ATXN1: variants seen among roughly 807,000 people sequenced by gnomAD.
The protein encoded by ATXN1 is ataxin-1.
Under a neutral mutation model 56.4 loss-of-function variants are expected in ATXN1, and 8 were observed. That is an observed-to-expected ratio of 0.14 (90% confidence interval 0.08 to 0.26). The LOEUF is 0.26. ATXN1 is among the 10% of genes least tolerant of loss of function. The pLI, the probability that ATXN1 is intolerant of heterozygous loss-of-function variation, is 1.00. For missense variants in ATXN1, 987 were observed against 1,106.5 expected (o/e 0.89, Z 1.53); for synonymous variants, 514 against 494.6 (o/e 1.04, Z -0.52).
At position 16,445,502 on chromosome 6, in the gene ATXN1, G is replaced by C. The variant is rs192902989; in HGVS notation, c.-161+40470C>G. 2.6e-5 allele frequency among the ~76,000 whole-genome samples: 4 copies of C among 151,872 alleles called. No homozygotes were observed. The East Asian group carries it at 7.7e-4, about 29-fold the overall frequency. ...CACCTCTCTGCTTTCAAATGTGTTT[G>C]ATATTTCTTTTTTTTTTAAGTTTTT... On this transcript the variant is annotated intron_variant, in intron 6 of 7. Transcript: ENST00000436367.
intron 2 of ATXN1, chr6:16,738,459 A>G (rs1451828450): frequency 6.6e-6 from 1 of 152,212 alleles, no homozygotes. Context: ...GAAAAAAGGT[A>G]ATCTGTTTCA....
intron 4 of ATXN1, among the ~76,000 whole-genome samples, chr6:16,570,186 C>T (rs1175881497): frequency 1.3e-5 from 2 of 152,166 alleles, no homozygotes; most frequent in African/African-American, 4.8e-5. Flanking sequence ...TTTGTTTGTC[C>T]TCAAACGAAA....
chr6:16,609,618 C>T (rs975126129), intron 3 of ATXN1, among the ~76,000 whole-genome samples: 25 of 152,178 alleles, frequency 1.6e-4, no homozygotes, highest in African/African-American at 5.8e-4. Flanking sequence ...GGAAAGGAGT[C>T]CAACCTTTCC....
intron 6 of ATXN1, among the ~76,000 whole-genome samples, chr6:16,458,807 T>C (rs1247320986): frequency 6.6e-6 from 1 of 152,236 alleles, no homozygotes; most frequent in South Asian, 2.1e-4. Flanking sequence ...GACGGGGTAC[T>C]GCCCCAGAGG....
chr6:16,488,398 C>A (rs1484743964), intron 5 of ATXN1, among the ~76,000 whole-genome samples: 1 of 152,176 alleles, frequency 6.6e-6, no homozygotes, highest in Non-Finnish European at 1.5e-5. Context: ...TTTACTATTT[C>A]TCTCTTGGAC....
chr6:16,389,323 C>T lies in ATXN1; in HGVS notation c.-160-60853G>A, dbSNP rs531627465. Among the ~76,000 whole-genome samples the T allele has an allele frequency of 3.9e-3, 529 of 134,744 alleles. 1 individual carries two copies. The highest frequency in any genetic ancestry group is 6.1e-3 in the Non-Finnish European group (391 of 64,364). 88.4% of individuals were successfully genotyped at this position (134,744 alleles called of 152,430 possible). A position where few individuals can be genotyped will look rare whatever the true frequency, so the allele number is the denominator to read the frequency against. On this transcript the variant is annotated intron_variant, in intron 6 of 7. Transcript: ENST00000436367. Reference sequence around the variant, plus strand: ...CTGCACTCCAGCCTGAGTGACAGAGCGAGACTCCATCTCCAAAAAAAAAGA... The same window carrying T: ...CTGCACTCCAGCCTGAGTGACAGAGTGAGACTCCATCTCCAAAAAAAAAGA...
intron 3 of ATXN1, among the ~76,000 whole-genome samples, chr6:16,623,086 ATTTG>A (rs372155969): frequency 9.9e-5 from 15 of 152,164 alleles, no homozygotes; most frequent in African/African-American, 3.6e-4. Context: ...TCATATCATA[ATTTG>A]TTTATTTCAC....
rs1375734675 is a variant in ATXN1, at chr6:16,606,643, CT to C, written c.-488-20737del. Among the ~76,000 whole-genome samples, 110 of 152,022 alleles carry C rather than the reference CT, an allele frequency of 7.2e-4. 1 individual carries two copies. In the Middle Eastern group the frequency reaches 0.01, roughly 14 times the overall value. ...TCCTGGGTTCAAGTGATTCTCCTGCCTCAGCCTCCCAAGTAGCTGGGACTAC... is the reference window on the plus strand; with the variant it reads ...TCCTGGGTTCAAGTGATTCTCCTGCCCAGCCTCCCAAGTAGCTGGGACTAC... On this transcript the variant is annotated intron_variant, in intron 3 of 7. Transcript: ENST00000436367.
At position 16,306,149 on chromosome 6, in the gene ATXN1, G is replaced by T; in HGVS notation, c.*180C>A. 1.3e-6 allele frequency: 1 copy of T among 747,618 alleles called. No individual in the cohort carries two copies. The highest frequency in any genetic ancestry group is 2.1e-6 in the Non-Finnish European group (1 of 484,410). The allele number at this position is 747,618 out of a possible 1,614,324, so 46.3% of individuals were successfully genotyped here. A position where few individuals can be genotyped will look rare whatever the true frequency, so the allele number is the denominator to read the frequency against. On this transcript the variant is annotated 3_prime_UTR_variant, in exon 8 of 8. Coordinates refer to ENST00000436367, the MANE Select transcript of ATXN1 (RefSeq NM_001128164.2). The surrounding 1 kb of genome is among the most constrained non-coding windows in gnomAD (Gnocchi z 5.2). ...CGCCCGCTCACTGACAGACACTCGT[G>T]GAAAAAGCATATGCACCAGTCTCCT...
intron 3 of ATXN1, among the ~76,000 whole-genome samples, chr6:16,591,165 C>G (rs1762716264): frequency 2.0e-5 from 3 of 152,058 alleles, no homozygotes; most frequent in Admixed American, 1.3e-4. Context: ...CTATGTCGCC[C>G]AGGCTGGACT....
At chr6:16,737,659 G>T (rs1322844070) in intron 2 of ATXN1, 1 of 152,126 alleles carries the variant, frequency 6.6e-6, no homozygotes, top group East Asian at 1.9e-4. Context: ...GCAAGAAGTT[G>T]GTCAGGAAAC....
rs953968653 is a variant in ATXN1, at chr6:16,300,710, G to T, written c.*5619C>A. ...CCCCATAATGAGTCCTGTTTGATTG[G>T]TAGCCTGGATCCCTTGTTACAAACA... On this transcript the variant is annotated 3_prime_UTR_variant, in exon 8 of 8. Coordinates refer to ENST00000436367, the MANE Select transcript of ATXN1 (RefSeq NM_001128164.2). 6.6e-6 allele frequency: 1 copy of T among 152,442 alleles called. No individual in the cohort carries two copies. Among genetic ancestry groups the T allele is most frequent in the Non-Finnish European group, 1.5e-5 (1 of 68,026 alleles). The allele number at this position is 152,442 out of a possible 1,614,324, so 9.4% of individuals were successfully genotyped here. A position where few individuals can be genotyped will look rare whatever the true frequency, so the allele number is the denominator to read the frequency against.
intron 6 of ATXN1, among the ~76,000 whole-genome samples, chr6:16,414,159 G>C (rs115602708): frequency 0.022 from 3,352 of 152,308 alleles, 54 homozygotes; most frequent in Non-Finnish European, 0.036. Flanking sequence ...TCTCACGCCA[G>C]CTCTCACCTA....
intron 2 of ATXN1, among the ~76,000 whole-genome samples, chr6:16,734,433 GA>G (rs897708844): frequency 6.6e-6 from 1 of 152,126 alleles, no homozygotes; most frequent in Non-Finnish European, 1.5e-5. Context: ...AAAAAGTAGG[GA>G]AAAAAGAAGA....
chr6:16,751,919 C>A (rs1760731176), intron 2 of ATXN1, among the ~76,000 whole-genome samples: 1 of 152,162 alleles, frequency 6.6e-6, no homozygotes, highest in Admixed American at 6.5e-5. Context: ...CTCACAGCAG[C>A]CCTATAAGAA....
intron 6 of ATXN1, among the ~76,000 whole-genome samples, chr6:16,475,467 A>G (rs567153009): frequency 6.6e-6 from 1 of 152,332 alleles, no homozygotes; most frequent in East Asian, 1.9e-4. Flanking sequence ...GGGAGCAATC[A>G]CTGGGCTAAA....
chr6:16,722,205 T>A (rs3828867), intron 2 of ATXN1, among the ~76,000 whole-genome samples: 1 of 152,008 alleles, frequency 6.6e-6, no homozygotes, highest in Non-Finnish European at 1.5e-5. Flanking sequence ...TTCTCCCAAA[T>A]GGCACTGCAG....
intron 7 of ATXN1, among the ~76,000 whole-genome samples, chr6:16,317,804 C>T (rs572489975): frequency 6.6e-6 from 1 of 152,212 alleles, no homozygotes; most frequent in East Asian, 1.9e-4. Flanking sequence ...AAGAGATCTG[C>T]CTACCCCTTC....
chr6:16,592,590 G>A (rs975031394), intron 3 of ATXN1, among the ~76,000 whole-genome samples: 2 of 151,886 alleles, frequency 1.3e-5, no homozygotes, highest in Non-Finnish European at 2.9e-5. Context: ...TTTTCTCCAC[G>A]CCCCAAGATT....
Sources: allele counts gnomAD v4.1 joint callset (sites outside exome capture counted in the v4.1 genomes callset), GRCh38; gene constraint gnomAD v4.1.1; non-coding constraint Gnocchi (gnomAD v3.1); transcripts MANE v1.5; gene names NCBI Gene and HGNC (gene_info 2026-07-23, HGNC 2026-07-21).